FER: variants seen among roughly 807,000 people sequenced by gnomAD.
The protein encoded by FER is tyrosine-protein kinase Fer.
In FER, 63 loss-of-function variants were observed where a neutral mutation model predicts 111.0. The ratio of observed to expected loss-of-function variants is 0.57; its 90% CI spans 0.46 to 0.70. FER has a LOEUF of 0.70. Among genes scored for constraint, FER ranks in the 30% least tolerant of loss-of-function variants. The pLI, the probability that FER is intolerant of heterozygous loss-of-function variation, is 0.00. For synonymous variants in FER, 327 were observed against 313.9 expected, an observed-to-expected ratio of 1.04 and a Z score of -0.44; for missense variants, 914 against 954.0, an observed-to-expected ratio of 0.96 and a Z score of 0.55.
intron 2 of FER, among the ~76,000 whole-genome samples, chr5:108,778,846 A>G (rs929099970): frequency 6.6e-6 from 1 of 152,132 alleles, no homozygotes; most frequent in African/African-American, 2.4e-5. Context: ...TCTTTCATGG[A>G]TTGTGCCTTT....
intron 3 of FER, among the ~76,000 whole-genome samples, chr5:108,825,905 T>A (rs1759417317): frequency 6.6e-6 from 1 of 152,232 alleles, no homozygotes; most frequent in Non-Finnish European, 1.5e-5. Context: ...CTTTTCTTTC[T>A]GATTTGGATT....
At chr5:108,927,252 C>CTTTTTTTTTT (rs766702172) in intron 10 of FER, among the ~76,000 whole-genome samples, 1,102 of 95,136 alleles carry the variant, frequency 0.012, 120 homozygotes, top group African/African-American at 0.023. Flanking sequence ...AGAAGTGGCT[C>CTTTTTTTTTT]TTTTTTTTTT....
At chr5:108,940,370 A>G (rs191306009) in intron 10 of FER, among the ~76,000 whole-genome samples, 12 of 152,248 alleles carry the variant, frequency 7.9e-5, no homozygotes, top group Admixed American at 7.9e-4. Context: ...TGAAAAGCAT[A>G]TGAAATTTAT....
intron 16 of FER, among the ~76,000 whole-genome samples, chr5:109,060,734 T>C (rs551074608): frequency 2.4e-4 from 36 of 150,012 alleles, no homozygotes; most frequent in Non-Finnish European, 5.2e-4. Flanking sequence ...AAATGTACTG[T>C]GATTGTGTGT....
rs1562015325 is a variant in FER at position 109,190,530 on chromosome 5, A to AAATT, written c.*2958_*2961dup. ...ACAAGGAAAGAAATTTTTCACTGTT[A>AAATT]AATTAACATTTATTACCAACATGTG... is the stretch of plus-strand genomic sequence containing the variant. On this transcript the variant is annotated 3_prime_UTR_variant, in exon 20 of 20. Transcript: ENST00000281092. The AAATT allele has an allele frequency of 6.6e-6, 1 of 152,176 alleles. No individual in the cohort carries two copies. The highest frequency in any genetic ancestry group is 6.5e-5 in the Admixed American group (1 of 15,282). 9.4% of individuals were successfully genotyped at this position (152,176 alleles called of 1,614,324 possible).
intron 9 of FER, among the ~76,000 whole-genome samples, chr5:108,893,251 CT>C (rs1218761020): frequency 6.6e-6 from 1 of 151,484 alleles, no homozygotes; most frequent in Non-Finnish European, 1.5e-5. Flanking sequence ...CTATAAATTA[CT>C]TTGGGCAGTA....
At chr5:109,000,182 T>A (rs528331998) in intron 13 of FER, among the ~76,000 whole-genome samples, 1 of 151,790 alleles carries the variant, frequency 6.6e-6, no homozygotes, top group African/African-American at 2.4e-5. Context: ...CTAAATTGAC[T>A]TAGGAAAAAG....
intron 5 of FER, among the ~76,000 whole-genome samples, chr5:108,860,024 C>A (rs1314204121): frequency 6.6e-6 from 1 of 151,440 alleles, no homozygotes; most frequent in East Asian, 1.9e-4. Context: ...TCACTGCAAC[C>A]TCCACCTCCC....
At chr5:108,951,579 T>C (rs1757755549) in intron 11 of FER, among the ~76,000 whole-genome samples, 1 of 152,220 alleles carries the variant, frequency 6.6e-6, no homozygotes, top group African/African-American at 2.4e-5. Flanking sequence ...ATAACTAAAT[T>C]TACATGAGAA....
intron 16 of FER, among the ~76,000 whole-genome samples, chr5:109,059,460 G>C (rs936448989): frequency 6.6e-6 from 1 of 152,048 alleles, no homozygotes; most frequent in East Asian, 1.9e-4. Context: ...CCCGGGAGGC[G>C]GAGGTTGCAG....
At chr5:109,068,898 C>G (rs1775439366) in intron 16 of FER, among the ~76,000 whole-genome samples, 1 of 152,096 alleles carries the variant, frequency 6.6e-6, no homozygotes, top group Admixed American at 6.6e-5. Flanking sequence ...CTTGTAATGC[C>G]TAAATATTTC....
intron 17 of FER, among the ~76,000 whole-genome samples, chr5:109,174,575 A>C (rs577312156): frequency 6.6e-6 from 1 of 152,126 alleles, no homozygotes. Flanking sequence ...GAAACAGGCA[A>C]TCCTACTGTC....
chr5:109,095,411 T>C (rs1318439183), intron 16 of FER, among the ~76,000 whole-genome samples: 1 of 152,098 alleles, frequency 6.6e-6, no homozygotes, highest in Non-Finnish European at 1.5e-5. Context: ...TTTGTTTCTA[T>C]GGTTTGTTCA....
At chr5:109,134,710 C>G (rs1351185151) in intron 17 of FER, among the ~76,000 whole-genome samples, 1 of 152,116 alleles carries the variant, frequency 6.6e-6, no homozygotes, top group Non-Finnish European at 1.5e-5. Flanking sequence ...AGTCTCTCTC[C>G]TGGATGAGTT....
intron 2 of FER, among the ~76,000 whole-genome samples, chr5:108,782,287 AT>A (rs112226373): frequency 0.27 from 38,514 of 144,722 alleles, 5,126 homozygotes; most frequent in African/African-American, 0.35. Context: ...ACTTCCAAGT[AT>A]TTTTTTTTTT....
chr5:108,868,702 A>C (rs1764316469), intron 6 of FER, among the ~76,000 whole-genome samples: 1 of 152,090 alleles, frequency 6.6e-6, no homozygotes, highest in Non-Finnish European at 1.5e-5. Context: ...GAGCATTAGA[A>C]AAGAAGTAAA....
intron 1 of FER, among the ~76,000 whole-genome samples, chr5:108,753,301 ATTTAC>A (rs1301964369): frequency 1.3e-5 from 2 of 152,102 alleles, no homozygotes; most frequent in African/African-American, 4.8e-5. Flanking sequence ...TTTACAATAA[ATTTAC>A]TTAAGTTGAA....
In FER at chr5:108,787,521, G is replaced by A. The variant is rs182841494; in HGVS notation, c.-59-10603G>A. Among the ~76,000 whole-genome samples, 514 of 152,322 alleles carry A rather than the reference G, an allele frequency of 3.4e-3. 2 individuals are homozygous for A. Among genetic ancestry groups the A allele is most frequent in the African/African-American group, 0.012 (490 of 41,568 alleles). On this transcript the variant is annotated intron_variant, in intron 2 of 19. Transcript: ENST00000281092. ...CTGCCAGTTCTAGGTGAAGTCCGTG[G>A]CCCAGAGTGAGAACTTCATTGATGA...
intron 5 of FER, among the ~76,000 whole-genome samples, chr5:108,862,757 T>C (rs1400154116): frequency 6.6e-6 from 1 of 152,116 alleles, no homozygotes; most frequent in African/African-American, 2.4e-5. Flanking sequence ...TAATTGTACC[T>C]GACCTTTTGA....
Sources: allele counts gnomAD v4.1 joint callset (sites outside exome capture counted in the v4.1 genomes callset), GRCh38; gene constraint gnomAD v4.1.1; transcripts MANE v1.5; gene names NCBI Gene and HGNC (gene_info 2026-07-23, HGNC 2026-07-21).